KCND3: variants seen among roughly 807,000 people sequenced by gnomAD.
The protein encoded by KCND3 is potassium voltage-gated channel subfamily D member 3.
A neutral mutation model predicts 51.1 loss-of-function variants in KCND3; 9 were observed. That is an observed-to-expected ratio of 0.18 (90% CI 0.11 to 0.31). The LOEUF (loss-of-function observed/expected upper bound fraction) is 0.31, where lower values mean the gene tolerates loss of function less well. KCND3 is among the 10% of genes least tolerant of loss of function. The pLI is 1.00. For missense variants in KCND3, 526 were observed against 903.8 expected, an observed-to-expected ratio of 0.58 and a Z score of 5.36; for synonymous variants, 349 against 368.0, an observed-to-expected ratio of 0.95 and a Z score of 0.59.
intron 2 of KCND3, among the ~76,000 whole-genome samples, chr1:111,918,125 C>T (rs1369845677): frequency 1.3e-5 from 2 of 152,304 alleles, no homozygotes; most frequent in African/African-American, 2.4e-5. Flanking sequence ...TACTTAGAAA[C>T]TCGAATCTGA....
chr1:111,846,449 C>A (rs1457384392), intron 2 of KCND3, among the ~76,000 whole-genome samples: 1 of 152,042 alleles, frequency 6.6e-6, no homozygotes, highest in Non-Finnish European at 1.5e-5. Context: ...GCTGCTGCTG[C>A]TGCTGATAAA....
intron 2 of KCND3, among the ~76,000 whole-genome samples, chr1:111,846,267 C>T (rs1465616096): frequency 6.6e-6 from 1 of 152,220 alleles, no homozygotes; most frequent in East Asian, 1.9e-4. Context: ...TGCTGTTCTC[C>T]AAACACTCCG....
chr1:111,883,182 C>A (rs1236537208), intron 2 of KCND3, among the ~76,000 whole-genome samples: 1 of 152,262 alleles, frequency 6.6e-6, no homozygotes, highest in Non-Finnish European at 1.5e-5. Context: ...CAGCGATTGT[C>A]CTCTAAGCAC....
intron 2 of KCND3, among the ~76,000 whole-genome samples, chr1:111,860,025 T>C (rs1267153747): frequency 1.3e-5 from 2 of 152,204 alleles, no homozygotes; most frequent in African/African-American, 4.8e-5. Flanking sequence ...TCAGGAACGA[T>C]CCTGAGGTCA....
intron 2 of KCND3, among the ~76,000 whole-genome samples, chr1:111,881,990 C>G (rs1669354811): frequency 6.6e-6 from 1 of 152,140 alleles, no homozygotes; most frequent in African/African-American, 2.4e-5. Context: ...GGGAACGGAA[C>G]ACCATGGGAC....
intron 2 of KCND3, among the ~76,000 whole-genome samples, chr1:111,907,544 T>C (rs535498863): frequency 6.6e-6 from 1 of 152,190 alleles, no homozygotes; most frequent in Admixed American, 6.5e-5. Context: ...CTGGCTGACA[T>C]CCTGACTACA....
intron 1 of KCND3, among the ~76,000 whole-genome samples, chr1:111,985,047 C>T (rs959008847): frequency 6.6e-6 from 1 of 152,166 alleles, no homozygotes; most frequent in African/African-American, 2.4e-5. Context: ...ACACTGTCTC[C>T]CATGGATTAT....
At chr1:111,912,499 C>T (rs1187808094) in intron 2 of KCND3, among the ~76,000 whole-genome samples, 3 of 152,166 alleles carry the variant, frequency 2.0e-5, no homozygotes, top group South Asian at 2.1e-4. Flanking sequence ...ACAGTGTCCT[C>T]CTATGTAGAA....
At chr1:111,932,043 C>T (rs1671998730) in intron 2 of KCND3, among the ~76,000 whole-genome samples, 1 of 152,212 alleles carries the variant, frequency 6.6e-6, no homozygotes, top group Non-Finnish European at 1.5e-5. Flanking sequence ...TGGCCCCTCT[C>T]CTCCATCTTC....
At chr1:111,876,236 A>T (rs1023777065) in intron 2 of KCND3, among the ~76,000 whole-genome samples, 3 of 152,224 alleles carry the variant, frequency 2.0e-5, no homozygotes, top group Admixed American at 1.3e-4. Flanking sequence ...TGTCTGCCTC[A>T]GTTTCCACAT....
At chr1:111,826,660 T>A (rs1363106814) in intron 2 of KCND3, among the ~76,000 whole-genome samples, 1 of 152,218 alleles carries the variant, frequency 6.6e-6, no homozygotes, top group African/African-American at 2.4e-5. Flanking sequence ...GGTTTCTGAA[T>A]GTTTCCTAAG....
intron 2 of KCND3, among the ~76,000 whole-genome samples, chr1:111,870,636 C>G (rs1668789129): frequency 6.6e-6 from 1 of 152,056 alleles, no homozygotes; most frequent in African/African-American, 2.4e-5. Context: ...AGTCCAAGAT[C>G]TGGAGTAGCA....
At chr1:111,965,211 T>C (rs1673900531) in intron 2 of KCND3, among the ~76,000 whole-genome samples, 1 of 151,832 alleles carries the variant, frequency 6.6e-6, no homozygotes, top group African/African-American at 2.4e-5. Flanking sequence ...AAAAGGGGTG[T>C]GGAGGTTGGG....
At position 111,837,244 on chromosome 1, in the gene KCND3, A is replaced by G. The variant is rs1667106475; in HGVS notation, c.1107-50138T>C. Among the ~76,000 whole-genome samples, 3 of 152,294 alleles carry G rather than the reference A, an allele frequency of 2.0e-5. No individual in the cohort carries two copies. The South Asian group carries it at 6.2e-4, about 32-fold the overall frequency. ...CCCTCACTCTGCCCTCTGATGTAAC[A>G]GTTCCCAGGCCCAGTCTTTTCTCTG... On this transcript the variant is annotated intron_variant, in intron 2 of 7. Transcript: ENST00000302127.
At chr1:111,791,893 T>G (rs1023852320) in intron 2 of KCND3, among the ~76,000 whole-genome samples, 1 of 152,232 alleles carries the variant, frequency 6.6e-6, no homozygotes, top group Non-Finnish European at 1.5e-5. Context: ...GGAATTTAAC[T>G]TCAACATCAT....
chr1:111,870,253 C>A (rs979373683), intron 2 of KCND3, among the ~76,000 whole-genome samples: 5 of 152,230 alleles, frequency 3.3e-5, no homozygotes. Context: ...CAACTAAATT[C>A]TCTCTTCTGA....
intron 2 of KCND3, among the ~76,000 whole-genome samples, chr1:111,887,210 G>C (rs994731510): frequency 6.6e-6 from 1 of 152,212 alleles, no homozygotes; most frequent in Non-Finnish European, 1.5e-5. Context: ...ACGGAGGCTT[G>C]TGGCAGCACT....
At chr1:111,901,030 T>C (rs1022783448) in intron 2 of KCND3, among the ~76,000 whole-genome samples, 2 of 152,194 alleles carry the variant, frequency 1.3e-5, no homozygotes, top group African/African-American at 4.8e-5. Flanking sequence ...GTTATTGGGA[T>C]TGAGTTGAGG....
intron 2 of KCND3, among the ~76,000 whole-genome samples, chr1:111,912,713 G>A (rs1012088790): frequency 2.0e-5 from 3 of 152,038 alleles, no homozygotes; most frequent in African/African-American, 7.2e-5. Context: ...GTGTGTTTGT[G>A]TCTTAGTTTT....
Sources: allele counts gnomAD v4.1 joint callset (sites outside exome capture counted in the v4.1 genomes callset), GRCh38; gene constraint gnomAD v4.1.1; transcripts MANE v1.5; gene names NCBI Gene and HGNC (gene_info 2026-07-23, HGNC 2026-07-21).